Variants in RAB11FIP4 observed in about 807,000 individuals in gnomAD.
RAB11FIP4 encodes rab11 family-interacting protein 4.
In RAB11FIP4, 23 loss-of-function variants were observed where a neutral mutation model predicts 74.3. The observed-to-expected ratio is 0.31, with a 90% CI of 0.22 to 0.44. The LOEUF (loss-of-function observed/expected upper bound fraction) is 0.44, where lower values mean the gene tolerates loss of function less well. Ranked by LOEUF, RAB11FIP4 falls within the 20% of genes least tolerant of loss-of-function variation. RAB11FIP4 has a pLI of 1.00. For missense variants in RAB11FIP4, 630 were observed against 863.9 expected (o/e 0.73, Z 3.39); for synonymous variants, 360 against 359.9 (o/e 1.00, Z 0.00).
rs909180040 is a variant in RAB11FIP4 at position 31,431,846 on chromosome 17, G to A, written c.193G>A (p.Asp65Asn). Residue 65 changes from aspartate to asparagine, a missense_variant, in exon 2 of 15, where the codon GAC becomes AAC. Transcript: ENST00000621161. ...ACTTGTGAAATATTTGGATCCCAAC[G>A]ACCTGGGGAGAATCAACTTCAAGGA... ...EKLVKYLDPN[D>N]LGRINFKDFC... is the part of the protein sequence containing the mutation. 14 of 1,612,752 alleles carry A rather than the reference G, an allele frequency of 8.7e-6. No homozygotes were observed. The highest frequency in any genetic ancestry group is 2.2e-5 in the East Asian group (1 of 44,784).
chr17:31,408,736 C>G (rs931516300), intron 1 of RAB11FIP4, among the ~76,000 whole-genome samples: 1 of 152,208 alleles, frequency 6.6e-6, no homozygotes, highest in African/African-American at 2.4e-5. Flanking sequence ...CAGGAGACAT[C>G]GCCCCAACTG....
chr17:31,465,086 C>A (rs1230205119), intron 3 of RAB11FIP4, among the ~76,000 whole-genome samples: 1 of 152,066 alleles, frequency 6.6e-6, no homozygotes, highest in East Asian at 1.9e-4. Context: ...GGCCTACGGG[C>A]AGTCAGTGGA....
intron 3 of RAB11FIP4, among the ~76,000 whole-genome samples, chr17:31,495,013 C>T (rs1262981862): frequency 6.6e-6 from 1 of 152,226 alleles, no homozygotes; most frequent in East Asian, 1.9e-4. Flanking sequence ...CTCCACACCT[C>T]GGCCCACCTG....
intron 1 of RAB11FIP4, among the ~76,000 whole-genome samples, chr17:31,406,060 C>T (rs1283711809): frequency 6.6e-6 from 1 of 152,190 alleles, no homozygotes; most frequent in Non-Finnish European, 1.5e-5. Context: ...GGCACCTGGG[C>T]CAGCTGGTCA....
At chr17:31,406,581 A>G (rs2071043789) in intron 1 of RAB11FIP4, among the ~76,000 whole-genome samples, 1 of 152,188 alleles carries the variant, frequency 6.6e-6, no homozygotes, top group African/African-American at 2.4e-5. Flanking sequence ...TAGGTGTGTA[A>G]TGGTATTTCA....
intron 13 of RAB11FIP4, among the ~76,000 whole-genome samples, 157 bp from the exon 14 acceptor site, chr17:31,530,169 A>G (rs528193289): frequency 2.0e-5 from 3 of 152,314 alleles, no homozygotes; most frequent in Admixed American, 2.0e-4. Flanking sequence ...GCGCTTGGCA[A>G]AGGCTGCAAC....
intron 1 of RAB11FIP4, among the ~76,000 whole-genome samples, chr17:31,423,497 C>A (rs9903874): frequency 1.3e-5 from 2 of 152,138 alleles, no homozygotes; most frequent in South Asian, 4.1e-4. Flanking sequence ...CTTCCTAAAG[C>A]CTTAGGGTTA....
chr17:31,422,264 A>T (rs2071207444), intron 1 of RAB11FIP4, among the ~76,000 whole-genome samples: 1 of 152,242 alleles, frequency 6.6e-6, no homozygotes, highest in African/African-American at 2.4e-5. Context: ...CCATGTTTAC[A>T]TGAAGAGAAC....
chr17:31,439,190 C>A (rs895463747), intron 3 of RAB11FIP4, among the ~76,000 whole-genome samples: 18 of 152,220 alleles, frequency 1.2e-4, no homozygotes, highest in African/African-American at 4.1e-4. Flanking sequence ...TATCCATGCT[C>A]CTTGGGTGTG....
intron 3 of RAB11FIP4, among the ~76,000 whole-genome samples, chr17:31,442,393 C>T (rs747534048): frequency 2.6e-5 from 4 of 152,188 alleles, no homozygotes; most frequent in Non-Finnish European, 4.4e-5. Context: ...CAGCAGCAAT[C>T]GTTGCTTTAA....
At chr17:31,437,482 C>T (rs532482283) in intron 3 of RAB11FIP4, among the ~76,000 whole-genome samples, 18 of 152,112 alleles carry the variant, frequency 1.2e-4, no homozygotes, top group Non-Finnish European at 2.4e-4. Context: ...TGAGAAGAAG[C>T]GGGTGCCTGG....
chr17:31,477,203 C>T (rs2071802066), intron 3 of RAB11FIP4, among the ~76,000 whole-genome samples: 1 of 152,260 alleles, frequency 6.6e-6, no homozygotes, highest in African/African-American at 2.4e-5. Flanking sequence ...GTCCTTCCAA[C>T]CCCAGAACAG....
chr17:31,467,902 T>A (rs1192442569), intron 3 of RAB11FIP4, among the ~76,000 whole-genome samples: 1 of 152,162 alleles, frequency 6.6e-6, no homozygotes, highest in Non-Finnish European at 1.5e-5. Context: ...AAATAGCAAG[T>A]GGAAGGCCTG....
chr17:31,453,355 C>CAAAAAAAAAAAAA (rs747844559), intron 3 of RAB11FIP4, among the ~76,000 whole-genome samples: 15 of 71,812 alleles, frequency 2.1e-4, no homozygotes, highest in African/African-American at 8.3e-4. Flanking sequence ...GACCCTACCT[C>CAAAAAAAAAAAAA]AAAAAAAAAA....
At chr17:31,487,891 T>G (rs1448116104) in intron 3 of RAB11FIP4, 10 of 273,532 alleles carry the variant, frequency 3.7e-5, no homozygotes, top group Non-Finnish European at 5.6e-5. Flanking sequence ...CACCTGCCCC[T>G]ACCTTGGGGG....
chr17:31,528,831 G>C (rs1033298352), intron 13 of RAB11FIP4, 53 bp downstream of exon 13: 1 of 1,560,824 alleles, frequency 6.4e-7, no homozygotes, highest in Non-Finnish European at 8.7e-7. Context: ...GGCCCACCAC[G>C]TGGGTTTCCT....
chr17:31,471,702 C>T (rs1471655629), intron 3 of RAB11FIP4, among the ~76,000 whole-genome samples: 2 of 152,056 alleles, frequency 1.3e-5, no homozygotes, highest in Admixed American at 6.5e-5. Context: ...AAGCAGCTCC[C>T]GAGCTCTCGG....
chr17:31,403,000 A>G (rs2071007690), intron 1 of RAB11FIP4, among the ~76,000 whole-genome samples: 2 of 152,014 alleles, frequency 1.3e-5, no homozygotes, highest in Admixed American at 6.6e-5. Flanking sequence ...TCATACCCCT[A>G]TTTGTGGCAC....
chr17:31,402,808 G>A (rs1007104820), intron 1 of RAB11FIP4, among the ~76,000 whole-genome samples: 2 of 151,276 alleles, frequency 1.3e-5, no homozygotes, highest in Non-Finnish European at 2.9e-5. Context: ...TGTATTTTTA[G>A]TAGAGACGGG....
Sources: gnomAD v4.1 joint callset for allele counts (sites outside exome capture counted in the v4.1 genomes callset) on GRCh38, gnomAD v4.1.1 for gene constraint, MANE v1.5 for transcripts, NCBI Gene and HGNC (gene_info 2026-07-23, HGNC 2026-07-21) for gene names.